ADGRL3: variants seen among roughly 807,000 people sequenced by gnomAD.
ADGRL3 encodes calcium-independent alpha-latrotoxin receptor 3.
In ADGRL3, 62 loss-of-function variants were observed where a neutral mutation model predicts 153.5. The ratio of observed to expected loss-of-function variants is 0.40; its 90% CI spans 0.33 to 0.50. The LOEUF is 0.50. Ranked by LOEUF, ADGRL3 falls within the 20% of genes least tolerant of loss-of-function variation. The probability of loss-of-function intolerance (pLI) is 0.47; values close to 1 mark genes in which losing one functional copy is unlikely to be tolerated. For missense variants in ADGRL3, 1,641 were observed against 1,859.4 expected (o/e 0.88, Z 2.16); for synonymous variants, 710 against 672.5 (o/e 1.06, Z -0.86).
At chr4:61,640,852 A>T (rs2093633866) in intron 5 of ADGRL3, among the ~76,000 whole-genome samples, 1 of 152,090 alleles carries the variant, frequency 6.6e-6, no homozygotes, top group Non-Finnish European at 1.5e-5. Context: ...TAATAAGTTT[A>T]TTGTCCTTTG....
intron 6 of ADGRL3, among the ~76,000 whole-genome samples, chr4:61,686,448 T>G (rs2095445236): frequency 6.6e-6 from 1 of 152,090 alleles, no homozygotes; most frequent in African/African-American, 2.4e-5. Context: ...ACTAAAAAAA[T>G]TAAATAATTG....
intron 2 of ADGRL3, among the ~76,000 whole-genome samples, chr4:61,415,913 C>T (rs1431162216): frequency 6.6e-6 from 1 of 151,998 alleles, no homozygotes; most frequent in Non-Finnish European, 1.5e-5. Context: ...CTGACATATG[C>T]ATATTGCTTC....
At chr4:61,983,776 G>A (rs945441562) in intron 19 of ADGRL3, among the ~76,000 whole-genome samples, 173 bp downstream of exon 19, 2 of 152,092 alleles carry the variant, frequency 1.3e-5, no homozygotes, top group Non-Finnish European at 2.9e-5. Context: ...AATACCTTGA[G>A]ACTTATCATG....
intron 9 of ADGRL3, among the ~76,000 whole-genome samples, chr4:61,848,676 T>G (rs2098166442): frequency 6.6e-6 from 1 of 152,150 alleles, no homozygotes; most frequent in Non-Finnish European, 1.5e-5. Context: ...AAGAGACTAT[T>G]GTCTAATTCT....
chr4:61,445,724 C>G (rs2606714), intron 2 of ADGRL3, among the ~76,000 whole-genome samples: 141,792 of 152,190 alleles, frequency 0.93, 66,891 homozygotes, highest in East Asian at 1. Context: ...AGTTGAGTCA[C>G]ATTTCTTAGC....
At chr4:61,773,997 A>C (rs2152323025) in intron 8 of ADGRL3, among the ~76,000 whole-genome samples, 1 of 152,292 alleles carries the variant, frequency 6.6e-6, no homozygotes, top group South Asian at 2.1e-4. Context: ...TGCTATCCGC[A>C]GTTTCAGTTA....
At chr4:61,254,395 A>T (rs913805411) in intron 1 of ADGRL3, among the ~76,000 whole-genome samples, 2 of 152,198 alleles carry the variant, frequency 1.3e-5, no homozygotes, top group African/African-American at 2.4e-5. Flanking sequence ...GATTTTTCTT[A>T]TGAAAGTTTC....
intron 17 of ADGRL3, among the ~76,000 whole-genome samples, chr4:61,967,676 C>T (rs557317859): frequency 3.9e-5 from 6 of 152,278 alleles, no homozygotes; most frequent in African/African-American, 1.2e-4. Context: ...TCTATGAATT[C>T]ATTCTATATG....
chr4:61,356,025 C>G (rs1433329805), intron 1 of ADGRL3, among the ~76,000 whole-genome samples: 1 of 151,988 alleles, frequency 6.6e-6, no homozygotes, highest in Non-Finnish European at 1.5e-5. Context: ...TGTAGGAAAA[C>G]TGACATTTGA....
intron 2 of ADGRL3, among the ~76,000 whole-genome samples, chr4:61,486,641 GAAT>G (rs1208032072): frequency 6.6e-6 from 1 of 152,098 alleles, no homozygotes; most frequent in Non-Finnish European, 1.5e-5. Context: ...GTAATATTCA[GAAT>G]AATCTCAGTT....
intron 1 of ADGRL3, among the ~76,000 whole-genome samples, chr4:61,265,858 C>T (rs549407481): frequency 7.2e-5 from 11 of 151,854 alleles, no homozygotes; most frequent in South Asian, 2.1e-4. Context: ...ATATAATCTT[C>T]GAAATTTGCA....
chr4:61,339,578 C>A lies in ADGRL3; in HGVS notation c.-239-43546C>A, dbSNP rs1036806057. ...TTGAGTTCATTGCCATCAAATAGCA[C>A]CCACTTTCTAGTTATTTATACCATG... On this transcript the variant is annotated intron_variant, in intron 1 of 26. Transcript: ENST00000683033. Among the ~76,000 whole-genome samples, 5 of 152,088 alleles carry A rather than the reference C, an allele frequency of 3.3e-5. No homozygotes were observed. In the South Asian group the frequency reaches 1.0e-3, roughly 32 times the overall value.
At chr4:61,483,354 C>T (rs1233039364) in intron 2 of ADGRL3, among the ~76,000 whole-genome samples, 6 of 151,948 alleles carry the variant, frequency 3.9e-5, no homozygotes, top group Non-Finnish European at 5.9e-5. Flanking sequence ...ATAAAATATA[C>T]CAAAGTATAC....
rs1747075967 is a variant in ADGRL3 at position 62,076,173 on chromosome 4, A to C, written c.*5265A>C. On this transcript the variant is annotated 3_prime_UTR_variant, in exon 27 of 27. Coordinates refer to ENST00000683033, the MANE Select transcript of ADGRL3 (RefSeq NM_001387552.1). ...GCTATTCCTTCTTTATTTAAAAAAA[A>C]ATTTAAAAGTCAGCACTTCTTTCAC... 3 of 152,126 alleles carry C rather than the reference A, an allele frequency of 2.0e-5. No homozygotes were observed. The highest frequency in any genetic ancestry group is 2.0e-4 in the Admixed American group (3 of 15,264). 9.4% of individuals were successfully genotyped at this position (152,126 alleles called of 1,614,324 possible).
chr4:61,499,552 G>A (rs561949354), intron 3 of ADGRL3, among the ~76,000 whole-genome samples: 1 of 152,114 alleles, frequency 6.6e-6, no homozygotes, highest in African/African-American at 2.4e-5. Flanking sequence ...AAAATAAATA[G>A]CATATGTAAA....
intron 8 of ADGRL3, among the ~76,000 whole-genome samples, chr4:61,762,777 A>AT (rs1288749690): frequency 6.6e-6 from 1 of 152,114 alleles, no homozygotes; most frequent in Non-Finnish European, 1.5e-5. Context: ...GAAATCTCTT[A>AT]TTTTTTAATA....
intron 1 of ADGRL3, among the ~76,000 whole-genome samples, chr4:61,312,797 C>G (rs1230806209): frequency 6.6e-6 from 1 of 152,148 alleles, no homozygotes; most frequent in African/African-American, 2.4e-5. Context: ...CAAAATGGTA[C>G]AGCCACTTTG....
chr4:61,393,286 A>C (rs1220464440), intron 2 of ADGRL3, among the ~76,000 whole-genome samples: 1 of 151,980 alleles, frequency 6.6e-6, no homozygotes, highest in Admixed American at 6.6e-5. Context: ...TGATATGCAC[A>C]TTTTTAAAGA....
At chr4:62,030,786 A>G (rs1276440222) in intron 22 of ADGRL3, among the ~76,000 whole-genome samples, 3 of 151,624 alleles carry the variant, frequency 2.0e-5, no homozygotes, top group Admixed American at 6.6e-5. Flanking sequence ...ACAGCATACC[A>G]TAGAAGTGAG....
Sources: allele counts gnomAD v4.1 joint callset (sites outside exome capture counted in the v4.1 genomes callset), GRCh38; gene constraint gnomAD v4.1.1; transcripts MANE v1.5; gene names NCBI Gene and HGNC (gene_info 2026-07-23, HGNC 2026-07-21).